The following PAK2 variants were observed in gnomAD, a reference collection of about 807,000 sequenced individuals.
PAK2 encodes the protein serine/threonine-protein kinase PAK 2.
A neutral mutation model predicts 65.9 loss-of-function variants in PAK2; 21 were observed. The ratio of observed to expected loss-of-function variants is 0.32; its 90% CI spans 0.23 to 0.46. The LOEUF is 0.46. Ranked by LOEUF, PAK2 falls within the 20% of genes least tolerant of loss-of-function variation. The pLI is 1.00. For synonymous variants in PAK2, 204 were observed against 219.7 expected (o/e 0.93, Z 0.63); for missense variants, 324 against 642.6 (o/e 0.50, Z 5.36).
Position 196,831,317 on chromosome 3 carries a change from CTTAT to C in PAK2, c.*2919_*2922del, listed in dbSNP as rs1451278134. The C allele has an allele frequency of 6.6e-6, 1 of 152,078 alleles. No homozygotes were observed. Among genetic ancestry groups the C allele is most frequent in the Non-Finnish European group, 1.5e-5 (1 of 68,008 alleles). The allele number at this position is 152,078 out of a possible 1,614,324, so 9.4% of individuals were successfully genotyped here. ...TTATTAGGACAGTATTATTATAGTA[CTTAT>C]TTATTTTATTTTAGATTTAAAGTTA... is the stretch of plus-strand genomic sequence containing the variant. On this transcript the variant is annotated 3_prime_UTR_variant, in exon 15 of 15. Transcript: ENST00000327134.
intron 13 of PAK2, among the ~76,000 whole-genome samples, chr3:196,821,999 T>C (rs61357067): frequency 0.1 from 15,886 of 152,232 alleles, 1,609 homozygotes; most frequent in African/African-American, 0.26. Context: ...TTGAGAGTAC[T>C]GTGCTAAGTG....
chr3:196,826,758 T>G (rs1026226528), intron 13 of PAK2, among the ~76,000 whole-genome samples: 1 of 151,784 alleles, frequency 6.6e-6, no homozygotes, highest in African/African-American at 2.4e-5. Context: ...CCACCTCTAC[T>G]AAAAATACAA....
intron 13 of PAK2, among the ~76,000 whole-genome samples, chr3:196,822,364 C>G (rs1403175208): frequency 6.6e-6 from 1 of 152,086 alleles, no homozygotes; most frequent in African/African-American, 2.4e-5. Context: ...CTGAGACTGG[C>G]AGGAAGGAGG....
chr3:196,804,441 A>G (rs1411580683), intron 4 of PAK2, among the ~76,000 whole-genome samples: 5 of 151,350 alleles, frequency 3.3e-5, no homozygotes, highest in African/African-American at 1.2e-4. Flanking sequence ...ACATACATAT[A>G]TGTGTGTGCG....
At position 196,747,674 on chromosome 3, in the gene PAK2, A is replaced by G. The variant is rs374089756; in HGVS notation, c.-22+7517A>G. On this transcript the variant is annotated intron_variant, in intron 1 of 14. Transcript: ENST00000327134. ...ATATACAGAGTTTTATACATAACCTATTGATTAAATTTAATGACTAAGATT... is the reference window on the plus strand; with the variant it reads ...ATATACAGAGTTTTATACATAACCTGTTGATTAAATTTAATGACTAAGATT... Among the ~76,000 whole-genome samples, 168 of 152,308 alleles carry G rather than the reference A, an allele frequency of 1.1e-3. 4 individuals carry two copies. The South Asian group carries it at 0.034, about 31-fold the overall frequency.
intron 1 of PAK2, among the ~76,000 whole-genome samples, chr3:196,761,121 G>C (rs905774400): frequency 2.0e-5 from 3 of 148,040 alleles, no homozygotes; most frequent in South Asian, 2.1e-4. Flanking sequence ...CCGGCTACTC[G>C]GTAAGGCTGA....
intron 1 of PAK2, among the ~76,000 whole-genome samples, chr3:196,752,261 A>G (rs1054055806): frequency 1.3e-5 from 2 of 152,006 alleles, no homozygotes; most frequent in African/African-American, 2.4e-5. Flanking sequence ...TCACCTATCA[A>G]TGTTTTCTTT....
Position 196,756,037 on chromosome 3 carries a change from A to T in PAK2, c.-22+15880A>T, listed in dbSNP as rs2669633. On this transcript the variant is annotated intron_variant, in intron 1 of 14. Transcript: ENST00000327134. ...CCAAAGTGCAGGGATTACAGGTGTGAGCCACCGCACCCGGCCCCTTCCAAC... is the reference window on the plus strand; with the variant it reads ...CCAAAGTGCAGGGATTACAGGTGTGTGCCACCGCACCCGGCCCCTTCCAAC... Among the ~76,000 whole-genome samples, 131 of 151,938 alleles carry T rather than the reference A, an allele frequency of 8.6e-4. 1 individual carries two copies. The highest frequency in any genetic ancestry group is 1.6e-3 in the Non-Finnish European group (107 of 67,978).
At chr3:196,758,790 G>A (rs915358226) in intron 1 of PAK2, among the ~76,000 whole-genome samples, 1 of 151,996 alleles carries the variant, frequency 6.6e-6, no homozygotes, top group Non-Finnish European at 1.5e-5. Context: ...TGAGTAGCTG[G>A]GACAGCAGGC....
chr3:196,810,442 G>A (rs1462422458), intron 7 of PAK2, 148 bp from the exon 8 acceptor site: 12 of 623,320 alleles, frequency 1.9e-5, no homozygotes, highest in Non-Finnish European at 3.4e-5. Flanking sequence ...TTAGTGTTTT[G>A]TGTTTGAAAC....
chr3:196,809,948 C>T (rs961882505), intron 7 of PAK2, among the ~76,000 whole-genome samples: 2 of 151,960 alleles, frequency 1.3e-5, no homozygotes, highest in African/African-American at 4.8e-5. Flanking sequence ...TTTAAAACCT[C>T]TTTCTTGTGA....
At position 196,805,370 on chromosome 3, in the gene PAK2, C is replaced by A; in HGVS notation, c.455C>A (p.Ser152Tyr). Residue 152 changes from serine to tyrosine, a missense_variant, in exon 5 of 15, where the codon TCT becomes TAT. By Grantham distance (144) the Ser-to-Tyr change is moderately radical. Coordinates refer to ENST00000327134, the MANE Select transcript of PAK2 (RefSeq NM_002577.4). Reference sequence around the variant, plus strand: ...TATTCAGAGAAAGATGGCTTTCCTTCTGGAACACCAGCAGTAAGTTAATTA... The same window carrying A: ...TATTCAGAGAAAGATGGCTTTCCTTATGGAACACCAGCAGTAAGTTAATTA... Reference protein sequence around the residue: ...FTPPEKDGFPSGTPALNAKGT... With the variant: ...FTPPEKDGFPYGTPALNAKGT... 1 of 1,441,996 alleles carries A rather than the reference C, an allele frequency of 6.9e-7. No homozygotes were observed. The highest frequency in any genetic ancestry group is 9.4e-7 in the Non-Finnish European group (1 of 1,059,036). 89.3% of individuals were successfully genotyped at this position (1,441,996 alleles called of 1,614,324 possible).
chr3:196,741,320 C>A (rs537035020), intron 1 of PAK2, among the ~76,000 whole-genome samples: 13 of 152,276 alleles, frequency 8.5e-5, no homozygotes, highest in African/African-American at 2.6e-4. Context: ...AGTAAAGTTA[C>A]ATTGGGATGA....
rs1208812221 is a variant in PAK2 at position 196,831,829 on chromosome 3, A to G, written c.*3424A>G. ...TGTCAGTGTCAAAATATTATAGATT[A>G]TAGCTAAAATCCAGATTAATACTCA... On this transcript the variant is annotated 3_prime_UTR_variant, in exon 15 of 15. Transcript: ENST00000327134. 6.6e-6 allele frequency: 1 copy of G among 152,228 alleles called. No individual in the cohort carries two copies. The highest frequency in any genetic ancestry group is 2.4e-5 in the African/African-American group (1 of 41,472). The allele number at this position is 152,228 out of a possible 1,614,324, so 9.4% of individuals were successfully genotyped here.
chr3:196,753,775 A>G (rs569227846), intron 1 of PAK2, among the ~76,000 whole-genome samples: 1 of 152,104 alleles, frequency 6.6e-6, no homozygotes, highest in African/African-American at 2.4e-5. Context: ...GGATGGTGGT[A>G]GGAATTTTCC....
intron 1 of PAK2, among the ~76,000 whole-genome samples, chr3:196,773,461 T>C (rs1714424058): frequency 6.6e-6 from 1 of 152,218 alleles, no homozygotes; most frequent in Admixed American, 6.5e-5. Flanking sequence ...CAAAAAATAC[T>C]GTTTTATGGA....
chr3:196,831,825 G>C lies in PAK2; in HGVS notation c.*3420G>C, dbSNP rs1245582459. On this transcript the variant is annotated 3_prime_UTR_variant, in exon 15 of 15. Coordinates refer to ENST00000327134, the MANE Select transcript of PAK2 (RefSeq NM_002577.4). ...GAAATGTCAGTGTCAAAATATTATA[G>C]ATTATAGCTAAAATCCAGATTAATA... 1 of 152,090 alleles carries C rather than the reference G, an allele frequency of 6.6e-6. No individual in the cohort carries two copies. Among genetic ancestry groups the C allele is most frequent in the Non-Finnish European group, 1.5e-5 (1 of 68,026 alleles). The allele number at this position is 152,090 out of a possible 1,614,324, so 9.4% of individuals were successfully genotyped here. A position where few individuals can be genotyped will look rare whatever the true frequency, so the allele number is the denominator to read the frequency against.
At chr3:196,744,892 A>G (rs943081600) in intron 1 of PAK2, among the ~76,000 whole-genome samples, 1 of 151,880 alleles carries the variant, frequency 6.6e-6, no homozygotes, top group Non-Finnish European at 1.5e-5. Flanking sequence ...AAGTATTTCC[A>G]TTAAAACGAC....
chr3:196,756,303 C>G (rs1713767981), intron 1 of PAK2, among the ~76,000 whole-genome samples: 1 of 152,170 alleles, frequency 6.6e-6, no homozygotes, highest in Non-Finnish European at 1.5e-5. Flanking sequence ...ATACCTTCCT[C>G]TCTTTCTTTG....
Sources: allele counts gnomAD v4.1 joint callset (sites outside exome capture counted in the v4.1 genomes callset), GRCh38; gene constraint gnomAD v4.1.1; transcripts MANE v1.5; gene names NCBI Gene and HGNC (gene_info 2026-07-23, HGNC 2026-07-21).